GALNT1: variants seen among roughly 807,000 people sequenced by gnomAD.
The protein encoded by GALNT1 is GalNAc transferase 1.
In GALNT1, 17 loss-of-function variants were observed where a neutral mutation model predicts 65.7. That is an observed-to-expected ratio of 0.26 (90% CI 0.18 to 0.39). The LOEUF (loss-of-function observed/expected upper bound fraction) is 0.39, where lower values mean the gene tolerates loss of function less well. GALNT1 is among the 10% of genes least tolerant of loss of function. GALNT1 has a pLI of 1.00. For missense variants in GALNT1, 460 were observed against 672.8 expected (o/e 0.68, Z 3.50); for synonymous variants, 210 against 219.7 (o/e 0.96, Z 0.39).
chr18:35,613,727 G>A (rs968175197), intron 1 of GALNT1, among the ~76,000 whole-genome samples: 3 of 152,146 alleles, frequency 2.0e-5, no homozygotes, highest in African/African-American at 4.8e-5. Context: ...CTCAGTGGTT[G>A]GAAAAGTATA....
At chr18:35,590,468 G>T (rs1568011521) in intron 1 of GALNT1, among the ~76,000 whole-genome samples, 1 of 152,150 alleles carries the variant, frequency 6.6e-6, no homozygotes, top group Non-Finnish European at 1.5e-5. Context: ...GAACCAGGAG[G>T]TGATTTGAAG....
chr18:35,646,893 T>C (rs921311799), intron 1 of GALNT1, among the ~76,000 whole-genome samples: 1 of 152,168 alleles, frequency 6.6e-6, no homozygotes, highest in Non-Finnish European at 1.5e-5. Flanking sequence ...ATACTCAACA[T>C]GTCCCAAATC....
chr18:35,599,516 A>G (rs1348843897), intron 1 of GALNT1, among the ~76,000 whole-genome samples: 2 of 151,962 alleles, frequency 1.3e-5, no homozygotes, highest in East Asian at 1.9e-4. Flanking sequence ...GACCACAAAC[A>G]TGCACTGCCA....
chr18:35,703,580 C>T lies in GALNT1; in HGVS notation c.1470C>T (p.Gly490=), dbSNP rs1307340073. The part of the protein sequence containing the change: ...DLCLDVSKLN[G]PVTMLKCHHL... ...GCTTGGATGTTTCCAAACTTAATGGCCCAGTTACAATGCTCAAATGCCACC... is the reference window on the plus strand; with the variant it reads ...GCTTGGATGTTTCCAAACTTAATGGTCCAGTTACAATGCTCAAATGCCACC... Residue 490 remains glycine, a synonymous_variant, in exon 11 of 12, where the codon GGC becomes GGT. Transcript: ENST00000269195. 3 of 1,613,768 alleles carry T rather than the reference C, an allele frequency of 1.9e-6. No individual in the cohort carries two copies. Among genetic ancestry groups the T allele is most frequent in the Non-Finnish European group, 2.5e-6 (3 of 1,179,892 alleles).
chr18:35,615,080 TTTTG>T (rs2046766847), intron 1 of GALNT1, among the ~76,000 whole-genome samples: 1 of 152,108 alleles, frequency 6.6e-6, no homozygotes, highest in African/African-American at 2.4e-5. Flanking sequence ...CAGGGTATGG[TTTTG>T]TTTGTTTTTG....
chr18:35,633,552 G>A (rs1430389523), intron 1 of GALNT1, among the ~76,000 whole-genome samples: 1 of 145,630 alleles, frequency 6.9e-6, no homozygotes, highest in Non-Finnish European at 1.5e-5. Context: ...TGTGGGATGG[G>A]GGAGGGGGGA....
intron 1 of GALNT1, among the ~76,000 whole-genome samples, chr18:35,643,893 G>A (rs1454004795): frequency 6.6e-6 from 1 of 152,144 alleles, no homozygotes; most frequent in East Asian, 1.9e-4. Flanking sequence ...AATTTGTAGG[G>A]AGTTTGTATC....
chr18:35,639,347 A>G (rs2047132488), intron 1 of GALNT1, among the ~76,000 whole-genome samples: 1 of 152,230 alleles, frequency 6.6e-6, no homozygotes, highest in Non-Finnish European at 1.5e-5. Context: ...GCTGAAGGCA[A>G]AGATGATTGG....
intron 5 of GALNT1, among the ~76,000 whole-genome samples, chr18:35,684,030 T>G (rs1221548063): frequency 1.3e-5 from 2 of 152,222 alleles, no homozygotes; most frequent in East Asian, 3.9e-4. Context: ...AAATGCTTAA[T>G]TTTGTATGGA....
At chr18:35,636,297 G>C (rs1014949432) in intron 1 of GALNT1, among the ~76,000 whole-genome samples, 9 of 152,132 alleles carry the variant, frequency 5.9e-5, no homozygotes, top group Non-Finnish European at 1.2e-4. Context: ...AATGTCTTTA[G>C]TGAAGACTGT....
At chr18:35,620,871 G>A (rs2046842881) in intron 1 of GALNT1, among the ~76,000 whole-genome samples, 1 of 151,840 alleles carries the variant, frequency 6.6e-6, no homozygotes, top group Admixed American at 6.6e-5. Flanking sequence ...GTACCTAGAA[G>A]TGAAATTAGT....
chr18:35,672,881 G>A (rs545556825), intron 3 of GALNT1, among the ~76,000 whole-genome samples: 16 of 152,088 alleles, frequency 1.1e-4, no homozygotes, highest in African/African-American at 2.9e-4. Flanking sequence ...AAACAGTTGG[G>A]CAAAGTAGTA....
intron 1 of GALNT1, among the ~76,000 whole-genome samples, chr18:35,642,399 A>T (rs1375676472): frequency 6.6e-6 from 1 of 152,238 alleles, no homozygotes; most frequent in Non-Finnish European, 1.5e-5. Flanking sequence ...ACAGTCAAGT[A>T]TAAATAAGGC....
At chr18:35,597,481 A>G (rs571148548) in intron 1 of GALNT1, 3 of 152,326 alleles carry the variant, frequency 2.0e-5, no homozygotes, top group Admixed American at 6.5e-5. Flanking sequence ...GTTTACTTAT[A>G]TAAGACAAAT....
intron 1 of GALNT1, among the ~76,000 whole-genome samples, chr18:35,584,048 C>T (rs752808740): frequency 8.5e-5 from 13 of 152,196 alleles, no homozygotes; most frequent in Non-Finnish European, 1.9e-4. Context: ...GTTCCAGAAT[C>T]CAGTCCAGTG....
chr18:35,711,239 A>C lies in GALNT1; in HGVS notation c.*1469A>C, dbSNP rs956598746. 9 of 152,434 alleles carry C rather than the reference A, an allele frequency of 5.9e-5. No homozygotes were observed. The highest frequency in any genetic ancestry group is 1.0e-4 in the Non-Finnish European group (7 of 68,030). 9.4% of individuals were successfully genotyped at this position (152,434 alleles called of 1,614,324 possible). On this transcript the variant is annotated 3_prime_UTR_variant, in exon 12 of 12. Coordinates refer to ENST00000269195, the MANE Select transcript of GALNT1 (RefSeq NM_020474.4). ...ATATGTAGAGCAGTCTGTTGGCAAA[A>C]ATGCATATATTTTCTTTCATATTTG...
At chr18:35,679,996 C>CAA (rs2047764322) in intron 4 of GALNT1, among the ~76,000 whole-genome samples, 1 of 152,080 alleles carries the variant, frequency 6.6e-6, no homozygotes, top group Non-Finnish European at 1.5e-5. Flanking sequence ...CCAGAGTGAG[C>CAA]TTTTTTAAAG....
chr18:35,607,720 C>T (rs189193221), intron 1 of GALNT1, among the ~76,000 whole-genome samples: 3 of 152,194 alleles, frequency 2.0e-5, no homozygotes, highest in South Asian at 2.1e-4. Flanking sequence ...TGTCATTCCA[C>T]GCAGTAGAAT....
chr18:35,641,344 G>T (rs1205146906), intron 1 of GALNT1, among the ~76,000 whole-genome samples: 1 of 152,146 alleles, frequency 6.6e-6, no homozygotes, highest in Admixed American at 6.5e-5. Flanking sequence ...CTCGGAGGCT[G>T]AAGTGGGAAG....
Sources: gnomAD v4.1 joint callset for allele counts (sites outside exome capture counted in the v4.1 genomes callset) on GRCh38, gnomAD v4.1.1 for gene constraint, MANE v1.5 for transcripts, NCBI Gene and HGNC (gene_info 2026-07-23, HGNC 2026-07-21) for gene names.